The following SPATA9 variants were observed in gnomAD, a reference collection of about 807,000 sequenced individuals.
SPATA9 encodes the protein spermatogenesis associated 9.
In SPATA9, 27 loss-of-function variants were observed where a neutral mutation model predicts 25.5. The observed-to-expected ratio is 1.06, with a 90% CI of 0.78 to 1.46. SPATA9 has a LOEUF of 1.46. Among genes scored for constraint, SPATA9 ranks in the 40% most tolerant of loss-of-function variants. The probability of loss-of-function intolerance (pLI) is 0.00; values close to 1 mark genes in which losing one functional copy is unlikely to be tolerated. For synonymous variants in SPATA9, 102 were observed against 105.7 expected (o/e 0.97, Z 0.21); for missense variants, 282 against 297.5 (o/e 0.95, Z 0.38).
intron 4 of SPATA9, among the ~76,000 whole-genome samples, chr5:95,660,316 A>G (rs1751148600): frequency 6.6e-6 from 1 of 152,096 alleles, no homozygotes; most frequent in Admixed American, 6.6e-5. Flanking sequence ...TTACCTAATC[A>G]CTTCCCAAAG....
chr5:95,662,967 G>A (rs1048277111), intron 4 of SPATA9, among the ~76,000 whole-genome samples: 1 of 152,170 alleles, frequency 6.6e-6, no homozygotes, highest in Admixed American at 6.5e-5. Context: ...TGAGATTTGT[G>A]TTAATTGTTA....
At chr5:95,679,972 A>T (rs1354362535) in intron 2 of SPATA9, among the ~76,000 whole-genome samples, 1 of 152,238 alleles carries the variant, frequency 6.6e-6, no homozygotes, top group Admixed American at 6.5e-5. Flanking sequence ...ATCTCGGCTC[A>T]CTGCAACCTC....
chr5:95,686,092 C>T (rs6895114), upstream of SPATA9, among the ~76,000 whole-genome samples: 377 of 152,266 alleles, frequency 2.5e-3, 2 homozygotes, highest in African/African-American at 8.7e-3. Context: ...CCCACTTCAG[C>T]CTCCCAAAGT....
the SPATA9 span, among the ~76,000 whole-genome samples, chr5:95,703,962 C>A: frequency 6.6e-6 from 1 of 152,118 alleles, no homozygotes; most frequent in Non-Finnish European, 1.5e-5. Context: ...CATCCCCTTC[C>A]TGTATTCTAC....
At chr5:95,695,458 C>T (rs774760076) in intron 1 of SPATA9, among the ~76,000 whole-genome samples, 12 of 151,976 alleles carry the variant, frequency 7.9e-5, no homozygotes, top group South Asian at 4.2e-4. Flanking sequence ...GTTAGCTGGG[C>T]GTGGTGGCAC....
At chr5:95,710,004 C>T in the SPATA9 span, among the ~76,000 whole-genome samples, 386 of 152,276 alleles carry the variant, frequency 2.5e-3, 2 homozygotes, top group Admixed American at 4.9e-3. Flanking sequence ...AAAGGTGTAC[C>T]TGCTGTCAGT....
chr5:95,658,777 G>C lies in SPATA9; in HGVS notation c.611C>G (p.Ala204Gly). The change falls in exon 5 of 5, where the codon GCT becomes GGT. Residue 204 changes from alanine (A) to glycine (G), a missense_variant. Physicochemically the swap from Ala to Gly is moderately conservative, Grantham distance 60 (BLOSUM62 0). Transcript: ENST00000274432. ...AGGTTTTGCTTTGATTTCACCTTCA[G>C]CAAACATAGGCTCCGAAAGCACAGG... ...SEPVLSEPMF[A>G]EGEIKAKPYR... 1 of 1,613,856 alleles carries C rather than the reference G, an allele frequency of 6.2e-7. No individual in the cohort carries two copies. Among genetic ancestry groups the C allele is most frequent in the South Asian group, 1.1e-5 (1 of 91,064 alleles).
the SPATA9 span, among the ~76,000 whole-genome samples, chr5:95,708,264 G>A: frequency 6.6e-6 from 1 of 152,124 alleles, no homozygotes; most frequent in East Asian, 1.9e-4. Flanking sequence ...GGGTCACCTA[G>A]AGCAGTCAAA....
intron 1 of SPATA9, among the ~76,000 whole-genome samples, chr5:95,691,249 A>G (rs561152100): frequency 6.6e-6 from 1 of 151,946 alleles, no homozygotes; most frequent in South Asian, 2.1e-4. Flanking sequence ...TTATTTCAAC[A>G]TTTCCTTCCA....
the SPATA9 span, among the ~76,000 whole-genome samples, chr5:95,703,760 T>G: frequency 6.6e-6 from 1 of 152,248 alleles, no homozygotes; most frequent in African/African-American, 2.4e-5. Flanking sequence ...GATTATTTAT[T>G]TGAAACAAAA....
At chr5:95,682,462 TG>T in intron 2 of SPATA9, 65 bp downstream of exon 2, 1 of 1,111,892 alleles carries the variant, frequency 9.0e-7, no homozygotes, top group Non-Finnish European at 1.3e-6. Context: ...CATTAAATAA[TG>T]GGTATGATAC....
chr5:95,656,347 T>C (rs746607990), downstream of SPATA9: 5 of 1,504,560 alleles, frequency 3.3e-6, no homozygotes, highest in African/African-American at 7.0e-5. Flanking sequence ...TGTGTATGCT[T>C]GAAAACATTT....
At chr5:95,721,196 G>A in the SPATA9 span, among the ~76,000 whole-genome samples, 1 of 152,242 alleles carries the variant, frequency 6.6e-6, no homozygotes, top group South Asian at 2.1e-4. Context: ...GATGGGAATA[G>A]TGGAGGCTTT....
chr5:95,731,910 C>T, the SPATA9 span: 1 of 1,614,104 alleles, frequency 6.2e-7, no homozygotes, highest in Non-Finnish European at 8.5e-7. Context: ...TCCACCAGGA[C>T]AACCGGCCGT....
At chr5:95,683,634 T>G (rs1753628265), upstream of SPATA9, among the ~76,000 whole-genome samples, 1 of 151,950 alleles carries the variant, frequency 6.6e-6, no homozygotes, top group Non-Finnish European at 1.5e-5. Flanking sequence ...GCCTCCCGGG[T>G]TCACACCATT....
At chr5:95,721,153 C>G in the SPATA9 span, among the ~76,000 whole-genome samples, 1 of 152,226 alleles carries the variant, frequency 6.6e-6, no homozygotes, top group Non-Finnish European at 1.5e-5. Flanking sequence ...TTGCACTGCA[C>G]TATTTACGTT....
the SPATA9 span, among the ~76,000 whole-genome samples, chr5:95,724,178 G>A: frequency 2.0e-5 from 3 of 152,102 alleles, no homozygotes; most frequent in African/African-American, 7.2e-5. Flanking sequence ...CTGGTTTTAT[G>A]ATTAGTTTAT....
intron 3 of SPATA9, among the ~76,000 whole-genome samples, chr5:95,672,023 C>T (rs148828237): frequency 6.6e-6 from 1 of 151,882 alleles, no homozygotes; most frequent in Non-Finnish European, 1.5e-5. Flanking sequence ...CCCAATGCCA[C>T]GAACAAAAAG....
the SPATA9 span, among the ~76,000 whole-genome samples, chr5:95,707,611 G>A: frequency 6.6e-6 from 1 of 152,144 alleles, no homozygotes; most frequent in Non-Finnish European, 1.5e-5. Flanking sequence ...TGATAGACCC[G>A]GGGCTTTGGG....
Sources: gnomAD v4.1 joint callset for allele counts (sites outside exome capture counted in the v4.1 genomes callset) on GRCh38, gnomAD v4.1.1 for gene constraint, MANE v1.5 for transcripts, NCBI Gene and HGNC (gene_info 2026-07-23, HGNC 2026-07-21) for gene names.